RANBP2: variants seen among roughly 807,000 people sequenced by gnomAD.
The protein encoded by RANBP2 is E3 SUMO-protein ligase RanBP2.
In RANBP2, 57 loss-of-function variants were observed where a neutral mutation model predicts 303.6. The observed-to-expected ratio is 0.19, with a 90% CI of 0.15 to 0.23. The LOEUF (loss-of-function observed/expected upper bound fraction) is 0.23, where lower values mean the gene tolerates loss of function less well. Ranked by LOEUF, RANBP2 falls within the 10% of genes least tolerant of loss-of-function variation. The pLI, the probability that RANBP2 is intolerant of heterozygous loss-of-function variation, is 1.00. For synonymous variants in RANBP2, 1,167 were observed against 1,301.5 expected (o/e 0.90, Z 2.23); for missense variants, 3,138 against 3,780.8 (o/e 0.83, Z 4.46).
At chr2:109,012,117 T>A in the RANBP2 span, among the ~76,000 whole-genome samples, 1 of 152,206 alleles carries the variant, frequency 6.6e-6, no homozygotes, top group African/African-American at 2.4e-5. Flanking sequence ...GAGCGGAAGA[T>A]TAAAAATCTC....
chr2:109,118,307 G>A, the RANBP2 span, among the ~76,000 whole-genome samples: 2 of 151,976 alleles, frequency 1.3e-5, no homozygotes, highest in African/African-American at 4.8e-5. Flanking sequence ...TGCTGCTCCT[G>A]TTCTGGGTGT....
At chr2:108,896,895 C>T in the RANBP2 span, 2 of 1,607,758 alleles carry the variant, frequency 1.2e-6, no homozygotes, top group Non-Finnish European at 1.7e-6. Context: ...GGACAGCCCA[C>T]AGGCATGCTT....
chr2:109,206,052 C>A, the RANBP2 span, among the ~76,000 whole-genome samples: 4 of 152,162 alleles, frequency 2.6e-5, no homozygotes, highest in Non-Finnish European at 5.9e-5. Context: ...CCCTGAGATG[C>A]CTTTCCAGCC....
the RANBP2 span, among the ~76,000 whole-genome samples, chr2:109,307,786 G>T: frequency 6.8e-6 from 1 of 148,012 alleles, no homozygotes; most frequent in Non-Finnish European, 1.5e-5. Context: ...GTACTCCATG[G>T]TGTATATGTG....
the RANBP2 span, among the ~76,000 whole-genome samples, chr2:109,532,570 G>A: frequency 6.6e-5 from 10 of 151,692 alleles, no homozygotes; most frequent in Non-Finnish European, 8.8e-5. Flanking sequence ...CCCGGTGAGG[G>A]CTTGCTCCTT....
At chr2:109,565,815 T>C in the RANBP2 span, 1 of 1,614,080 alleles carries the variant, frequency 6.2e-7, no homozygotes, top group Non-Finnish European at 8.5e-7. Context: ...TGTTTCCGAC[T>C]TTTACCTCAT....
the RANBP2 span, among the ~76,000 whole-genome samples, chr2:108,958,647 A>G: frequency 6.6e-5 from 10 of 152,328 alleles, no homozygotes; most frequent in African/African-American, 2.4e-4. Flanking sequence ...GCCAGGAGTC[A>G]GTCTCTGTAG....
the RANBP2 span, among the ~76,000 whole-genome samples, chr2:108,918,445 G>A: frequency 3.3e-5 from 5 of 152,174 alleles, no homozygotes; most frequent in African/African-American, 9.6e-5. Flanking sequence ...GGCCAACTGC[G>A]GGTCCATCTC....
chr2:109,164,401 T>C, the RANBP2 span, among the ~76,000 whole-genome samples: 1 of 152,192 alleles, frequency 6.6e-6, no homozygotes, highest in Non-Finnish European at 1.5e-5. Flanking sequence ...TCAGGCTGGT[T>C]CCAAACTCTT....
At chr2:109,239,852 C>T in the RANBP2 span, among the ~76,000 whole-genome samples, 11 of 152,270 alleles carry the variant, frequency 7.2e-5, no homozygotes, top group East Asian at 3.9e-4. Flanking sequence ...ACAGAATTTC[C>T]GACCGTCTCC....
At chr2:109,732,698 G>T in the RANBP2 span, 2 of 589,534 alleles carry the variant, frequency 3.4e-6, no homozygotes, top group South Asian at 1.4e-5. Context: ...TTGAACTCCT[G>T]ACCTCGTGAT....
chr2:109,722,900 T>G, the RANBP2 span, among the ~76,000 whole-genome samples: 6,918 of 152,298 alleles, frequency 0.045, 222 homozygotes, highest in Non-Finnish European at 0.072. Context: ...TTCCATGTCT[T>G]TGCTATTGTG....
chr2:109,352,457 C>A, the RANBP2 span, among the ~76,000 whole-genome samples: 2 of 152,222 alleles, frequency 1.3e-5, no homozygotes, highest in African/African-American at 4.8e-5. Flanking sequence ...CCAGCAGAGC[C>A]AGGCGATGGG....
chr2:109,208,055 C>G, the RANBP2 span, among the ~76,000 whole-genome samples: 9 of 152,180 alleles, frequency 5.9e-5, no homozygotes, highest in Non-Finnish European at 4.4e-5. Context: ...TTCAACAATT[C>G]TGCAAATATT....
At chr2:108,737,335 CTT>C (rs201427498) in intron 6 of RANBP2, among the ~76,000 whole-genome samples, 8 of 117,042 alleles carry the variant, frequency 6.8e-5, no homozygotes, top group African/African-American at 8.2e-5. Context: ...TTCTTTCTTT[CTT>C]TTTTTTTTTT....
chr2:109,588,870 C>G, the RANBP2 span, among the ~76,000 whole-genome samples: 9 of 125,714 alleles, frequency 7.2e-5, no homozygotes, highest in Non-Finnish European at 9.9e-5. Context: ...AAAAAAAAAG[C>G]GAAAGAGGTA....
the RANBP2 span, among the ~76,000 whole-genome samples, chr2:109,728,605 G>A: frequency 4.6e-5 from 7 of 150,910 alleles, no homozygotes; most frequent in African/African-American, 7.3e-5. Flanking sequence ...ACAGGTGCCC[G>A]CCACCGCACC....
chr2:109,614,863 A>C, the RANBP2 span: 244 of 1,402,302 alleles, frequency 1.7e-4, no homozygotes, highest in African/African-American at 3.3e-3. Context: ...GCGGCCCCGG[A>C]GTCGCTCCCT....
chr2:109,145,441 G>T, the RANBP2 span, among the ~76,000 whole-genome samples: 2 of 152,218 alleles, frequency 1.3e-5, no homozygotes, highest in South Asian at 4.2e-4. Context: ...TGGAAGACCG[G>T]TCGCCTTCAC....
Sources: gnomAD v4.1 joint callset for allele counts (sites outside exome capture counted in the v4.1 genomes callset) on GRCh38, gnomAD v4.1.1 for gene constraint, MANE v1.5 for transcripts, NCBI Gene and HGNC (gene_info 2026-07-23, HGNC 2026-07-21) for gene names.